HNF1B: variants seen among roughly 807,000 people sequenced by gnomAD.
The protein encoded by HNF1B is hepatocyte nuclear factor 1-beta.
HNF1B carries 8 observed loss-of-function variants against 61.7 expected under a neutral mutation model. The observed-to-expected ratio is 0.13, with a 90% CI of 0.08 to 0.23. The LOEUF (loss-of-function observed/expected upper bound fraction) is 0.23, where lower values mean the gene tolerates loss of function less well. Among genes scored for constraint, HNF1B ranks in the 10% least tolerant of loss-of-function variants. HNF1B has a pLI of 1.00. For synonymous variants in HNF1B, 314 were observed against 287.7 expected (o/e 1.09, Z -0.93); for missense variants, 562 against 714.5 (o/e 0.79, Z 2.43).
rs548913276 is a variant in HNF1B at position 37,723,368 on chromosome 17, G to A, written c.1045+8227C>T. 2.5e-3 allele frequency among the ~76,000 whole-genome samples: 375 copies of A among 151,938 alleles called. 1 individual carries two copies. The highest frequency in any genetic ancestry group is 3.7e-3 in the Non-Finnish European group (250 of 67,930). The stretch of plus-strand genomic sequence containing the variant: ...TCAAAAAAAAAAATTAAAAGAAAAA[G>A]AAAAAAGAAAAATGCCCTGTTAGTT... On this transcript the variant is annotated intron_variant, in intron 4 of 8. Transcript: ENST00000617811.
In HNF1B at chr17:37,692,726, TG is replaced by T. The variant is rs1704417486; in HGVS notation, c.1654-5335del. Among the ~76,000 whole-genome samples, 3 of 152,270 alleles carry T rather than the reference TG, an allele frequency of 2.0e-5. No individual in the cohort carries two copies. In the South Asian group the frequency reaches 6.3e-4, roughly 32 times the overall value. On this transcript the variant is annotated intron_variant, in intron 8 of 8. Coordinates refer to ENST00000617811, the MANE Select transcript of HNF1B (RefSeq NM_000458.4). Reference sequence around the variant, plus strand: ...GGCCCTGAACTATTTGCTTTTTTCCTGGGAAATAGGTGAGCAGGGAGTCTGT... The same window carrying T: ...GGCCCTGAACTATTTGCTTTTTTCCTGGAAATAGGTGAGCAGGGAGTCTGT...
intron 7 of HNF1B, 101 bp downstream of exon 7, chr17:37,700,882 C>G: frequency 8.9e-7 from 1 of 1,120,050 alleles, no homozygotes; most frequent in Non-Finnish European, 1.3e-6. Flanking sequence ...GAAAAGTGAC[C>G]AAGCCAATAA....
intron 8 of HNF1B, among the ~76,000 whole-genome samples, chr17:37,691,630 A>G (rs2032208480): frequency 6.6e-6 from 1 of 152,140 alleles, no homozygotes; most frequent in Non-Finnish European, 1.5e-5. Flanking sequence ...TCGTGCAGTT[A>G]GTCCTTTCAG....
intron 8 of HNF1B, among the ~76,000 whole-genome samples, chr17:37,688,325 C>T (rs934249320): frequency 5.3e-5 from 8 of 151,118 alleles, no homozygotes; most frequent in South Asian, 2.1e-4. Context: ...TTGCTTTTGC[C>T]GGCATCTAAG....
Position 37,686,872 on chromosome 17 carries a change from T to C in HNF1B, c.*500A>G. 3.4e-6 allele frequency: 1 copy of C among 291,296 alleles called. No homozygotes were observed. The allele number at this position is 291,296 out of a possible 1,614,324, so 18.0% of individuals were successfully genotyped here. A position where few individuals can be genotyped will look rare whatever the true frequency, so the allele number is the denominator to read the frequency against. On this transcript the variant is annotated 3_prime_UTR_variant, in exon 9 of 9. Transcript: ENST00000617811. ...GGAAATTGCACTTAATTACAGTAGT[T>C]TATAGTTTACAGCCATTGGACAAAT...
chr17:37,740,280 C>T (rs922670068), intron 1 of HNF1B, among the ~76,000 whole-genome samples: 6 of 152,114 alleles, frequency 3.9e-5, no homozygotes, highest in African/African-American at 1.4e-4. Flanking sequence ...TTTTATTTTG[C>T]TTTCCTCCAT....
intron 1 of HNF1B, 72 bp downstream of exon 1, chr17:37,744,469 C>T: frequency 6.8e-7 from 1 of 1,478,992 alleles, no homozygotes; most frequent in Non-Finnish European, 9.3e-7. Flanking sequence ...TGGTCGGGCG[C>T]AGTGTCACTC....
intron 8 of HNF1B, among the ~76,000 whole-genome samples, chr17:37,687,770 T>A (rs1053583237): frequency 4.6e-5 from 7 of 152,040 alleles, no homozygotes; most frequent in Non-Finnish European, 8.8e-5. Flanking sequence ...GAAGCAAGGG[T>A]CTCTTCCTAA....
intron 8 of HNF1B, among the ~76,000 whole-genome samples, chr17:37,691,606 T>C (rs2032207372): frequency 6.6e-6 from 1 of 152,110 alleles, no homozygotes; most frequent in Admixed American, 6.5e-5. Flanking sequence ...CTGAGTGAAG[T>C]ATTTTACAGG....
At position 37,699,206 on chromosome 17, in the gene HNF1B, G is replaced by A. The variant is rs370558810; in HGVS notation, c.1535-12C>T. 8 of 1,599,772 alleles carry A rather than the reference G, an allele frequency of 5.0e-6. No individual in the cohort carries two copies. The highest frequency in any genetic ancestry group is 6.9e-6 in the Non-Finnish European group (8 of 1,166,878). ...CTTGTGTGCGTACACTGGAGAGACA[G>A]AGTGAAGACAGAATCAAGGTGCATA... On this transcript the variant is annotated splice_polypyrimidine_tract_variant and intron_variant, in intron 7 of 8. Transcript: ENST00000617811.
At chr17:37,730,941 A>G (rs2033662481) in intron 4 of HNF1B, 1 of 158,254 alleles carries the variant, frequency 6.3e-6, no homozygotes, top group African/African-American at 2.4e-5. Flanking sequence ...CCCACAGCAG[A>G]GGCATTCTAA....
At position 37,744,345 on chromosome 17, in the gene HNF1B, G is replaced by T. The variant is rs376100923; in HGVS notation, c.344+196C>A. Among the ~76,000 whole-genome samples the T allele has an allele frequency of 3.5e-3, 533 of 152,382 alleles. 4 individuals are homozygous for T. Among genetic ancestry groups the T allele is most frequent in the African/African-American group, 0.012 (501 of 41,598 alleles). On this transcript the variant is annotated intron_variant, in intron 1 of 8. Coordinates refer to ENST00000617811, the MANE Select transcript of HNF1B (RefSeq NM_000458.4). The stretch of plus-strand genomic sequence containing the variant: ...GCTGGCCTGGGCCTGGGGAGAAGAA[G>T]CCCGGTGGGCCGCAGGGTCGTCCCG...
rs192194404 is a variant in HNF1B at position 37,705,601 on chromosome 17, G to C, written c.1207-552C>G. Among the ~76,000 whole-genome samples, 3 of 152,284 alleles carry C rather than the reference G, an allele frequency of 2.0e-5. No homozygotes were observed. In the East Asian group the frequency reaches 5.8e-4, roughly 29 times the overall value. On this transcript the variant is annotated intron_variant, in intron 5 of 8. Coordinates refer to ENST00000617811, the MANE Select transcript of HNF1B (RefSeq NM_000458.4). ...TTATATTTTAATGACAGATTAGTAT[G>C]AGAAAGCTACTGATTTTGGTGTATT...
At chr17:37,708,460 C>T (rs182583452) in intron 5 of HNF1B, among the ~76,000 whole-genome samples, 2 of 152,292 alleles carry the variant, frequency 1.3e-5, no homozygotes, top group South Asian at 2.1e-4. Flanking sequence ...GCATTTAGAG[C>T]GGCCCTGGCC....
intron 2 of HNF1B, among the ~76,000 whole-genome samples, chr17:37,736,216 C>T (rs755800272): frequency 6.6e-5 from 10 of 152,244 alleles, no homozygotes; most frequent in Non-Finnish European, 1.3e-4. Flanking sequence ...CCCTCCTCCC[C>T]GTGGGCCCTG....
intron 2 of HNF1B, among the ~76,000 whole-genome samples, chr17:37,738,813 C>A (rs1027743833): frequency 5.3e-5 from 8 of 152,144 alleles, no homozygotes; most frequent in Admixed American, 2.0e-4. Flanking sequence ...CTGTGCCCTG[C>A]CTTAGCCAGA....
Position 37,687,238 on chromosome 17 carries a change from G to T in HNF1B, c.*134C>A. 1.4e-6 allele frequency: 2 copies of T among 1,441,536 alleles called. No homozygotes were observed. Among genetic ancestry groups the T allele is most frequent in the Non-Finnish European group, 9.7e-7 (1 of 1,033,618 alleles). The allele number at this position is 1,441,536 out of a possible 1,614,324, so 89.3% of individuals were successfully genotyped here. On this transcript the variant is annotated 3_prime_UTR_variant, in exon 9 of 9. Transcript: ENST00000617811. Reference sequence around the variant, plus strand: ...GGATTGTCTGAGGTGCCAGCAGGACGTCCGTCAGGTAAGCAGGGACCTCTC... The same window carrying T: ...GGATTGTCTGAGGTGCCAGCAGGACTTCCGTCAGGTAAGCAGGGACCTCTC...
chr17:37,704,513 G>A (rs2032674303), intron 6 of HNF1B, among the ~76,000 whole-genome samples: 1 of 152,166 alleles, frequency 6.6e-6, no homozygotes, highest in Non-Finnish European at 1.5e-5. Context: ...CACCTACTTA[G>A]TGATAGGAAT....
chr17:37,689,881 A>G (rs1598795481), intron 8 of HNF1B, among the ~76,000 whole-genome samples: 1 of 152,198 alleles, frequency 6.6e-6, no homozygotes, highest in East Asian at 1.9e-4. Context: ...TTGAGTGCCT[A>G]CTGTGTACTT....
Sources: gnomAD v4.1 joint callset for allele counts (sites outside exome capture counted in the v4.1 genomes callset) on GRCh38, gnomAD v4.1.1 for gene constraint, MANE v1.5 for transcripts, NCBI Gene and HGNC (gene_info 2026-07-23, HGNC 2026-07-21) for gene names.